Variants in XKR4 observed in about 807,000 individuals in gnomAD.
XKR4 encodes the protein XK related 4.
A neutral mutation model predicts 53.9 loss-of-function variants in XKR4; 12 were observed. That is an observed-to-expected ratio of 0.22 (90% CI 0.14 to 0.36). The LOEUF is 0.36. XKR4 is among the 10% of genes least tolerant of loss of function. XKR4 has a pLI of 1.00. For missense variants in XKR4, 799 were observed against 859.5 expected, an observed-to-expected ratio of 0.93 and a Z score of 0.88; for synonymous variants, 354 against 362.4, an observed-to-expected ratio of 0.98 and a Z score of 0.26.
In XKR4 at chr8:55,533,632, G is replaced by A. The variant is rs1462746566; in HGVS notation, c.*9405G>A. The A allele has an allele frequency of 6.6e-6, 1 of 152,170 alleles. No individual in the cohort carries two copies. Among genetic ancestry groups the A allele is most frequent in the African/African-American group, 2.4e-5 (1 of 41,434 alleles). 9.4% of individuals were successfully genotyped at this position (152,170 alleles called of 1,614,324 possible). A position where few individuals can be genotyped will look rare whatever the true frequency, so the allele number is the denominator to read the frequency against. On this transcript the variant is annotated 3_prime_UTR_variant, in exon 3 of 3. Coordinates refer to ENST00000327381, the MANE Select transcript of XKR4 (RefSeq NM_052898.2). ...AAAGCTGCCTATTGCTGATGCTATCGATTCCCTTCTTTTTCTACAGAAACA... is the reference window on the plus strand; with the variant it reads ...AAAGCTGCCTATTGCTGATGCTATCAATTCCCTTCTTTTTCTACAGAAACA...
intron 1 of XKR4, among the ~76,000 whole-genome samples, chr8:55,340,696 A>G (rs1201510701): frequency 1.3e-5 from 2 of 152,208 alleles, no homozygotes; most frequent in African/African-American, 4.8e-5. Context: ...AAGACTTTTC[A>G]TTCCGAGTGA....
chr8:55,274,870 G>C (rs1818742880), intron 1 of XKR4, among the ~76,000 whole-genome samples: 1 of 152,134 alleles, frequency 6.6e-6, no homozygotes, highest in Non-Finnish European at 1.5e-5. Context: ...ATGGGGAAGT[G>C]GGGCGGATAG....
intron 2 of XKR4, among the ~76,000 whole-genome samples, chr8:55,368,886 C>A (rs1804030694): frequency 6.6e-6 from 1 of 152,184 alleles, no homozygotes; most frequent in South Asian, 2.1e-4. Context: ...TGTTATTTTA[C>A]ATAAAGGAAA....
At chr8:55,494,498 G>C (rs1806314353) in intron 2 of XKR4, among the ~76,000 whole-genome samples, 1 of 152,188 alleles carries the variant, frequency 6.6e-6, no homozygotes, top group Non-Finnish European at 1.5e-5. Context: ...GGAAGAATGA[G>C]GTATGCAGAG....
Position 55,452,024 on chromosome 8 carries a change from G to C in XKR4, c.1007-71257G>C, listed in dbSNP as rs1385086850. The C allele has an allele frequency of 3.9e-6, 3 of 762,986 alleles. No individual in the cohort carries two copies. The East Asian group carries it at 7.4e-5, about 19-fold the overall frequency. 47.3% of individuals were successfully genotyped at this position (762,986 alleles called of 1,614,324 possible). On this transcript the variant is annotated intron_variant, in intron 2 of 2. Coordinates refer to ENST00000327381, the MANE Select transcript of XKR4 (RefSeq NM_052898.2). ...TGGTCTTCTTGACGTTCTTAACCAG[G>C]TTCCAGGACAGGGTTCTGAGGGAAG...
At chr8:55,349,091 C>A (rs1803691506) in intron 1 of XKR4, among the ~76,000 whole-genome samples, 1 of 152,188 alleles carries the variant, frequency 6.6e-6, no homozygotes, top group East Asian at 1.9e-4. Context: ...TTTTTACTGA[C>A]ATCTAATATT....
chr8:55,162,228 G>A (rs923034564), intron 1 of XKR4, among the ~76,000 whole-genome samples: 1 of 152,134 alleles, frequency 6.6e-6, no homozygotes, highest in African/African-American at 2.4e-5. Flanking sequence ...CACACCGAGT[G>A]CCTCCGACAG....
intron 2 of XKR4, among the ~76,000 whole-genome samples, chr8:55,413,069 T>C (rs1804798485): frequency 1.3e-5 from 2 of 152,236 alleles, no homozygotes; most frequent in Non-Finnish European, 2.9e-5. Flanking sequence ...AGTAGTTTTA[T>C]TGACATCCTT....
intron 1 of XKR4, among the ~76,000 whole-genome samples, chr8:55,133,316 C>T (rs1816583685): frequency 6.6e-6 from 1 of 152,234 alleles, no homozygotes; most frequent in Non-Finnish European, 1.5e-5. Context: ...GACCTGGAAA[C>T]AGCAGGGATG....
chr8:55,161,435 C>A (rs1028872164), intron 1 of XKR4: 18 of 424,882 alleles, frequency 4.2e-5, no homozygotes, highest in Admixed American at 2.4e-4. Context: ...TCTGAGGTCC[C>A]AAGGGAAACT....
intron 2 of XKR4, among the ~76,000 whole-genome samples, chr8:55,429,702 C>T (rs1009173710): frequency 6.7e-6 from 1 of 150,220 alleles, no homozygotes; most frequent in African/African-American, 2.5e-5. Flanking sequence ...GCATTTCAGA[C>T]TGGGTGACAG....
intron 1 of XKR4, among the ~76,000 whole-genome samples, chr8:55,243,814 A>G (rs1818243833): frequency 1.3e-5 from 2 of 152,228 alleles, no homozygotes; most frequent in Non-Finnish European, 2.9e-5. Context: ...AGCTCTGCCA[A>G]GGGACAACTG....
intron 1 of XKR4, among the ~76,000 whole-genome samples, chr8:55,180,156 T>C (rs1226218806): frequency 6.6e-6 from 1 of 152,220 alleles, no homozygotes; most frequent in Non-Finnish European, 1.5e-5. Context: ...GTTGAAAAGA[T>C]TCATGAGTCG....
chr8:55,357,417 A>C (rs1474780665), intron 1 of XKR4, among the ~76,000 whole-genome samples: 8 of 152,204 alleles, frequency 5.3e-5, no homozygotes, highest in African/African-American at 1.9e-4. Flanking sequence ...TTTCCACCAC[A>C]TTCCACCTCA....
chr8:55,498,804 G>A (rs925897930), intron 2 of XKR4, among the ~76,000 whole-genome samples: 1 of 152,130 alleles, frequency 6.6e-6, no homozygotes, highest in African/African-American at 2.4e-5. Context: ...GAGACAGAGA[G>A]AGAGAGAAGC....
intron 2 of XKR4, among the ~76,000 whole-genome samples, chr8:55,438,519 G>T (rs766187683): frequency 6.6e-6 from 1 of 150,820 alleles, no homozygotes; most frequent in African/African-American, 2.4e-5. Flanking sequence ...CAACCTGAGA[G>T]GTGGAGGTAG....
At chr8:55,283,429 G>A (rs1378663893) in intron 1 of XKR4, among the ~76,000 whole-genome samples, 2 of 152,166 alleles carry the variant, frequency 1.3e-5, no homozygotes, top group African/African-American at 4.8e-5. Flanking sequence ...TGTCAACTTT[G>A]TACATTAACA....
chr8:55,435,511 T>A (rs1448337340), intron 2 of XKR4, among the ~76,000 whole-genome samples: 1 of 152,034 alleles, frequency 6.6e-6, no homozygotes. Flanking sequence ...TTTATAGCCC[T>A]TTTTATAGCT....
intron 2 of XKR4, among the ~76,000 whole-genome samples, chr8:55,444,110 G>T (rs1351698283): frequency 6.6e-6 from 1 of 152,196 alleles, no homozygotes; most frequent in Non-Finnish European, 1.5e-5. Context: ...GGTGGAGGTT[G>T]CAGGGAGCTG....
Sources: allele counts gnomAD v4.1 joint callset (sites outside exome capture counted in the v4.1 genomes callset), GRCh38; gene constraint gnomAD v4.1.1; transcripts MANE v1.5; gene names NCBI Gene and HGNC (gene_info 2026-07-23, HGNC 2026-07-21).